SORCS3: variants seen among roughly 807,000 people sequenced by gnomAD.
The protein encoded by SORCS3 is VPS10 domain-containing receptor SorCS3.
Under a neutral mutation model 146.3 loss-of-function variants are expected in SORCS3, and 57 were observed. The observed-to-expected ratio is 0.39, with a 90% CI of 0.31 to 0.49. The LOEUF (loss-of-function observed/expected upper bound fraction) is 0.49. Among genes scored for constraint, SORCS3 ranks in the 20% least tolerant of loss-of-function variants. SORCS3 has a pLI of 0.92. For missense variants in SORCS3, 1,341 were observed against 1,575.5 expected (o/e 0.85, Z 2.52); for synonymous variants, 653 against 618.5 (o/e 1.06, Z -0.83).
At chr10:104,805,546 C>T (rs57028235) in intron 1 of SORCS3, among the ~76,000 whole-genome samples, 1 of 152,046 alleles carries the variant, frequency 6.6e-6, no homozygotes, top group African/African-American at 2.4e-5. Context: ...CCTGAGGAGT[C>T]AGGATTTACC....
At chr10:104,661,636 A>G (rs1386564494) in intron 1 of SORCS3, among the ~76,000 whole-genome samples, 1 of 152,166 alleles carries the variant, frequency 6.6e-6, no homozygotes, top group Non-Finnish European at 1.5e-5. Context: ...TATATTTATT[A>G]ATATCATTGT....
chr10:105,252,655 C>A, intron 22 of SORCS3, 120 bp from the exon 23 acceptor site: 1 of 1,257,454 alleles, frequency 8.0e-7, no homozygotes. Flanking sequence ...GAGCCTGTGC[C>A]TAAAAAGCTG....
At chr10:105,174,491 A>T (rs1014552099) in intron 13 of SORCS3, among the ~76,000 whole-genome samples, 1 of 152,150 alleles carries the variant, frequency 6.6e-6, no homozygotes, top group African/African-American at 2.4e-5. Context: ...CCAGACCCAA[A>T]TATTTTATAA....
intron 1 of SORCS3, among the ~76,000 whole-genome samples, chr10:104,807,619 A>G (rs1031065215): frequency 1.3e-5 from 2 of 152,142 alleles, no homozygotes; most frequent in African/African-American, 4.8e-5. Flanking sequence ...AGCAGCATCC[A>G]TTCTCCAAGT....
chr10:104,726,947 T>C (rs2075892488), intron 1 of SORCS3, among the ~76,000 whole-genome samples: 1 of 152,198 alleles, frequency 6.6e-6, no homozygotes, highest in South Asian at 2.1e-4. Context: ...TATTGACATT[T>C]GCCTGTTTTT....
chr10:105,255,998 T>C (rs568129614), intron 24 of SORCS3, among the ~76,000 whole-genome samples, 197 bp downstream of exon 24: 2 of 152,322 alleles, frequency 1.3e-5, no homozygotes, highest in East Asian at 3.9e-4. Context: ...AAGACTTTCT[T>C]AGGAGTAGCT....
At chr10:105,233,968 C>A (rs576103573) in intron 20 of SORCS3, among the ~76,000 whole-genome samples, 53 of 152,110 alleles carry the variant, frequency 3.5e-4, no homozygotes, top group African/African-American at 1.2e-3. Flanking sequence ...TTCATTTATT[C>A]TTCTTCATTG....
chr10:104,904,477 T>A (rs954608879), intron 2 of SORCS3, among the ~76,000 whole-genome samples: 6 of 150,902 alleles, frequency 4.0e-5, no homozygotes, highest in Non-Finnish European at 7.4e-5. Flanking sequence ...TATTTATGTC[T>A]GACAACACAC....
At chr10:105,006,625 A>C (rs9783191) in intron 4 of SORCS3, among the ~76,000 whole-genome samples, 1 of 151,846 alleles carries the variant, frequency 6.6e-6, no homozygotes, top group Non-Finnish European at 1.5e-5. Flanking sequence ...TCTCTCTGCC[A>C]TTGCCACTTC....
chr10:104,718,738 A>T (rs1194481752), intron 1 of SORCS3, among the ~76,000 whole-genome samples: 1 of 152,238 alleles, frequency 6.6e-6, no homozygotes, highest in Admixed American at 6.5e-5. Flanking sequence ...AAGGAAACTC[A>T]GTTCTGAGGT....
intron 1 of SORCS3, among the ~76,000 whole-genome samples, chr10:104,718,472 G>T (rs1278409133): frequency 6.6e-6 from 1 of 152,164 alleles, no homozygotes. Flanking sequence ...TGCATTGGGG[G>T]TTAAGTTTCC....
At chr10:104,696,047 A>G (rs2016176224) in intron 1 of SORCS3, among the ~76,000 whole-genome samples, 1 of 127,100 alleles carries the variant, frequency 7.9e-6, no homozygotes. Flanking sequence ...TATAATATAT[A>G]TCATATACAC....
chr10:105,179,741 T>A (rs970707438), intron 14 of SORCS3, among the ~76,000 whole-genome samples: 1 of 152,156 alleles, frequency 6.6e-6, no homozygotes, highest in African/African-American at 2.4e-5. Context: ...AAAATGGTAT[T>A]GAAACCAACT....
At chr10:104,725,515 A>G (rs2016616220) in intron 1 of SORCS3, among the ~76,000 whole-genome samples, 1 of 152,176 alleles carries the variant, frequency 6.6e-6, no homozygotes, top group African/African-American at 2.4e-5. Context: ...TCAGACAGGG[A>G]CATTTAAGTC....
chr10:105,105,594 T>G, intron 7 of SORCS3, 79 bp downstream of exon 7: 1 of 983,720 alleles, frequency 1.0e-6, no homozygotes, highest in Non-Finnish European at 1.6e-6. Context: ...GAGGGTGGCT[T>G]TCCCAAGGTT....
intron 20 of SORCS3, among the ~76,000 whole-genome samples, chr10:105,234,115 C>A (rs1055275042): frequency 6.6e-6 from 1 of 152,034 alleles, no homozygotes; most frequent in African/African-American, 2.4e-5. Flanking sequence ...TTCTTTTCTT[C>A]TTCACTTTTG....
chr10:105,176,393 A>ATT, intron 13 of SORCS3, among the ~76,000 whole-genome samples: 1 of 151,882 alleles, frequency 6.6e-6, no homozygotes. Flanking sequence ...AAATAATTAA[A>ATT]AAAAAAAAAA....
At chr10:105,147,352 A>G (rs1247159781) in intron 8 of SORCS3, among the ~76,000 whole-genome samples, 2 of 152,170 alleles carry the variant, frequency 1.3e-5, no homozygotes, top group African/African-American at 4.8e-5. Context: ...GTATAACAAT[A>G]AAAAATGAAA....
At chr10:105,096,015 G>A (rs886228795) in intron 6 of SORCS3, among the ~76,000 whole-genome samples, 5 of 151,712 alleles carry the variant, frequency 3.3e-5, no homozygotes, top group African/African-American at 1.2e-4. Flanking sequence ...TTGTTCATTG[G>A]TTCACAATCC....
Sources: allele counts gnomAD v4.1 joint callset (sites outside exome capture counted in the v4.1 genomes callset), GRCh38; gene constraint gnomAD v4.1.1; transcripts MANE v1.5; gene names NCBI Gene and HGNC (gene_info 2026-07-23, HGNC 2026-07-21).